Variants in PCDHGA9 observed in about 807,000 individuals in gnomAD.
The protein encoded by PCDHGA9 is protocadherin gamma subfamily A, 9.
A neutral mutation model predicts 62.5 loss-of-function variants in PCDHGA9; 37 were observed. That is an observed-to-expected ratio of 0.59 (90% confidence interval 0.46 to 0.78). The LOEUF (loss-of-function observed/expected upper bound fraction) is 0.78. Among genes scored for constraint, PCDHGA9 ranks in the 30% least tolerant of loss-of-function variants. The probability of loss-of-function intolerance (pLI) is 0.00; values close to 1 mark genes in which losing one functional copy is unlikely to be tolerated. For missense variants in PCDHGA9, 1,138 were observed against 1,166.2 expected (o/e 0.98, Z 0.35); for synonymous variants, 459 against 484.6 (o/e 0.95, Z 0.69).
chr5:141,415,736 T>G, intron 1 of PCDHGA9: 1 of 1,289,978 alleles, frequency 7.8e-7, no homozygotes, highest in South Asian at 1.8e-5. Context: ...TGATGTTTAT[T>G]AAGGTTTTTT....
chr5:141,453,364 G>A (rs921978865), intron 1 of PCDHGA9, among the ~76,000 whole-genome samples: 4 of 151,814 alleles, frequency 2.6e-5, no homozygotes, highest in African/African-American at 9.7e-5. Flanking sequence ...GAACTCCTGG[G>A]GTCAAGTGAT....
chr5:141,417,874 C>A (rs768197455), intron 1 of PCDHGA9: 2 of 1,555,202 alleles, frequency 1.3e-6, no homozygotes, highest in African/African-American at 2.7e-5. Context: ...GAGGGAGCTG[C>A]GCGCAGAGGC....
chr5:141,403,950 T>C lies in PCDHGA9; in HGVS notation c.998T>C (p.Val333Ala), dbSNP rs771679747. Residue 333 changes from valine (V) to alanine (A), a missense_variant, in exon 1 of 4, where the codon GTG becomes GCG. Val to Ala is a moderately conservative substitution (Grantham distance 64). Transcript: ENST00000573521. ...DGGGLKGWTK[V>A]LISVEDVNDN... ...GGGGGATTGAAAGGGTGGACAAAAG[T>C]GCTCATTTCGGTGGAAGATGTAAAT... 13 of 1,613,706 alleles carry C rather than the reference T, an allele frequency of 8.1e-6. No individual in the cohort carries two copies. The highest frequency in any genetic ancestry group is 1.1e-5 in the Non-Finnish European group (13 of 1,179,856).
In PCDHGA9 at chr5:141,432,212, G is replaced by T. The variant is rs2097468822; in HGVS notation, c.2424+26836G>T. 8 of 1,614,184 alleles carry T rather than the reference G, an allele frequency of 5.0e-6. No homozygotes were observed. In the East Asian group the frequency reaches 1.3e-4, roughly 27 times the overall value. ...CCACGACCCCGACTGTGAAGAGAAC[G>T]CCCAGATCACTTATTCCCTGGCTGA... On this transcript the variant is annotated intron_variant, in intron 1 of 3. Transcript: ENST00000573521. The surrounding 1 kb of genome is among the most constrained non-coding windows in gnomAD (Gnocchi z 6.0).
chr5:141,491,110 C>T lies in PCDHGA9; in HGVS notation c.2425-3697C>T. On this transcript the variant is annotated intron_variant, in intron 1 of 3. Transcript: ENST00000573521. This position sits in a 1 kb window ranked among gnomAD's most constrained non-coding sequence, Gnocchi z 6.9. ...CCCAGGACTGTTCCTCGTGTCTACA[C>T]ACACTGGTGAGGTGCGCACAGCCCG... 3.7e-6 allele frequency: 6 copies of T among 1,614,212 alleles called. No individual in the cohort carries two copies. Among genetic ancestry groups the T allele is most frequent in the Non-Finnish European group, 5.1e-6 (6 of 1,180,024 alleles).
At chr5:141,422,111 T>A (rs763658255) in intron 1 of PCDHGA9, 1 of 1,606,408 alleles carries the variant, frequency 6.2e-7, no homozygotes, top group Admixed American at 1.7e-5. Context: ...ATATTCCAAT[T>A]GGATTCACAA....
chr5:141,490,251 A>G lies in PCDHGA9; in HGVS notation c.2425-4556A>G, dbSNP rs1479384008. ...CCATGGAGGGCCACTGTGTGATTCA[A>G]GTGGATGTGGGGGATGTCAATGACA... is the stretch of plus-strand genomic sequence containing the variant. On this transcript the variant is annotated intron_variant, in intron 1 of 3. Coordinates refer to ENST00000573521, the MANE Select transcript of PCDHGA9 (RefSeq NM_018921.3). This position sits in a 1 kb window ranked among gnomAD's most constrained non-coding sequence, Gnocchi z 5.4. 6.2e-7 allele frequency: 1 copy of G among 1,614,210 alleles called. No homozygotes were observed. Among genetic ancestry groups the G allele is most frequent in the Non-Finnish European group, 8.5e-7 (1 of 1,180,036 alleles).
intron 1 of PCDHGA9, among the ~76,000 whole-genome samples, chr5:141,446,315 G>A (rs556077331): frequency 6.6e-6 from 1 of 152,188 alleles, no homozygotes; most frequent in East Asian, 1.9e-4. Context: ...TGATTCCTGG[G>A]TTTCCACATT....
At position 141,508,670 on chromosome 5, in the gene PCDHGA9, C is replaced by A. The variant is rs184838473; in HGVS notation, c.2573-2277C>A. The stretch of plus-strand genomic sequence containing the variant: ...GGCCCTTCCTGTCATTCTGTCTCTG[C>A]CTCCCTTCTCCCTGCTTCTCCGTGT... On this transcript the variant is annotated intron_variant, in intron 3 of 3. Coordinates refer to ENST00000573521, the MANE Select transcript of PCDHGA9 (RefSeq NM_018921.3). Among the ~76,000 whole-genome samples the A allele has an allele frequency of 3.7e-3, 564 of 152,202 alleles. 5 individuals are homozygous for A. The highest frequency in any genetic ancestry group is 0.011 in the Admixed American group (164 of 15,294).
chr5:141,423,720 A>G, intron 1 of PCDHGA9: 1 of 957,774 alleles, frequency 1.0e-6, no homozygotes, highest in East Asian at 6.0e-5. Flanking sequence ...TTTTAAGGAG[A>G]TGTTTTTTGA....
chr5:141,462,552 T>G (rs966816379), intron 1 of PCDHGA9, among the ~76,000 whole-genome samples: 4 of 152,194 alleles, frequency 2.6e-5, no homozygotes, highest in African/African-American at 9.6e-5. Context: ...TCTTCTTCAG[T>G]GTTTACTGTA....
chr5:141,415,067 G>A, intron 1 of PCDHGA9: 1 of 1,613,398 alleles, frequency 6.2e-7, no homozygotes, highest in Non-Finnish European at 8.5e-7. Context: ...GGCGAGGTGC[G>A]CACGGCGCGA....
chr5:141,478,920 C>T lies in PCDHGA9; in HGVS notation c.2425-15887C>T, dbSNP rs559060283. On this transcript the variant is annotated intron_variant, in intron 1 of 3. Transcript: ENST00000573521. Reference sequence around the variant, plus strand: ...GGAATAAGCTGCTGGATACCTCTAACCAGTGGCAGCTTCTAGGAATACAAA... The same window carrying T: ...GGAATAAGCTGCTGGATACCTCTAATCAGTGGCAGCTTCTAGGAATACAAA... 608 of 728,392 alleles carry T rather than the reference C, an allele frequency of 8.3e-4. 2 individuals are homozygous for T. The highest frequency in any genetic ancestry group is 1.2e-3 in the South Asian group (55 of 44,196). 45.1% of individuals were successfully genotyped at this position (728,392 alleles called of 1,614,324 possible).
At chr5:141,409,047 G>T in intron 1 of PCDHGA9, 2 of 1,613,982 alleles carry the variant, frequency 1.2e-6, no homozygotes, top group Admixed American at 1.7e-5. Flanking sequence ...TACTACTTCC[G>T]AAGCACTGCC....
At chr5:141,478,460 C>G (rs759992881) in intron 1 of PCDHGA9, 1 of 1,613,344 alleles carries the variant, frequency 6.2e-7, no homozygotes, top group East Asian at 2.2e-5. Flanking sequence ...AGCCAGTCCA[C>G]TGGCCAGCCG....
chr5:141,408,155 C>T (rs1355335396), intron 1 of PCDHGA9: 2 of 1,511,456 alleles, frequency 1.3e-6, no homozygotes, highest in Non-Finnish European at 1.8e-6. Flanking sequence ...GTAGAGTGCA[C>T]TTTCTCCAAC....
At chr5:141,502,782 T>C (rs1200280465) in intron 2 of PCDHGA9, among the ~76,000 whole-genome samples, 1 of 152,132 alleles carries the variant, frequency 6.6e-6, no homozygotes, top group African/African-American at 2.4e-5. Context: ...GAAAATTACC[T>C]GGATGATTTC....
In PCDHGA9 at chr5:141,505,363, T is replaced by C. The variant is rs751635403; in HGVS notation, c.2484-30T>C. 1.6e-5 allele frequency: 26 copies of C among 1,613,242 alleles called. No individual in the cohort carries two copies. In the Middle Eastern group the frequency reaches 9.9e-4, roughly 61 times the overall value. On this transcript the variant is annotated intron_variant, in intron 2 of 3. Transcript: ENST00000573521. ...GGCATGAGCTGTGCCGGCCTGGGAG[T>C]CTGTGCTCACCATCCTACTCTCTCC... is the stretch of plus-strand genomic sequence containing the variant.
Position 141,403,236 on chromosome 5 carries a change from T to G in PCDHGA9, c.284T>G (p.Leu95Arg). Residue 95 changes from leucine (L) to arginine (R), a missense_variant, in exon 1 of 4, where the codon CTC becomes CGC. By Grantham distance (102) the Leu-to-Arg change is moderately radical. Transcript: ENST00000573521. ...GCGGGTAGGATAGACCGGGAGGAGC[T>G]CTGTGCTCAGAGCCCGCGGTGTCTG... ...VTAGRIDREE[L>R]CAQSPRCLVN... 6.2e-7 allele frequency: 1 copy of G among 1,613,908 alleles called. No individual in the cohort carries two copies. Among genetic ancestry groups the G allele is most frequent in the South Asian group, 1.1e-5 (1 of 91,088 alleles).
Sources: allele counts gnomAD v4.1 joint callset (sites outside exome capture counted in the v4.1 genomes callset), GRCh38; gene constraint gnomAD v4.1.1; non-coding constraint Gnocchi (gnomAD v3.1); transcripts MANE v1.5; gene names NCBI Gene and HGNC (gene_info 2026-07-23, HGNC 2026-07-21).